Variants in PALLD observed in about 807,000 individuals in gnomAD.
The protein encoded by PALLD is palladin.
Under a neutral mutation model 123.5 loss-of-function variants are expected in PALLD, and 61 were observed. That is an observed-to-expected ratio of 0.49 (90% CI 0.40 to 0.61). The LOEUF is 0.61. Ranked by LOEUF, PALLD falls within the 20% of genes least tolerant of loss-of-function variation. The pLI is 0.00. For synonymous variants in PALLD, 465 were observed against 496.4 expected (o/e 0.94, Z 0.84); for missense variants, 1,273 against 1,377.0 (o/e 0.92, Z 1.20).
intron 2 of PALLD, among the ~76,000 whole-genome samples, chr4:168,615,451 G>A (rs549574539): frequency 1.4e-4 from 21 of 152,228 alleles, no homozygotes; most frequent in African/African-American, 4.8e-4. Flanking sequence ...TTGGGCTCTG[G>A]GTGTCAGTAT....
At position 168,784,222 on chromosome 4, in the gene PALLD, G is replaced by A. The variant is rs74818477; in HGVS notation, c.1964+72299G>A. ...AAAAAATGTAAAAGTGGTCCCAGCCGCTTGGGAGAATGAGGCAGGAGGATT... is the reference window on the plus strand; with the variant it reads ...AAAAAATGTAAAAGTGGTCCCAGCCACTTGGGAGAATGAGGCAGGAGGATT... On this transcript the variant is annotated intron_variant, in intron 10 of 21. Transcript: ENST00000505667. Among the ~76,000 whole-genome samples, 1,290 of 152,066 alleles carry A rather than the reference G, an allele frequency of 8.5e-3. 60 individuals carry two copies. In the East Asian group the frequency reaches 0.16, roughly 19 times the overall value.
At chr4:168,606,649 G>C (rs574895487) in intron 2 of PALLD, among the ~76,000 whole-genome samples, 1 of 140,524 alleles carries the variant, frequency 7.1e-6, no homozygotes, top group Non-Finnish European at 1.5e-5. Context: ...GGGGGACAGA[G>C]CGAGACTCCG....
intron 10 of PALLD, among the ~76,000 whole-genome samples, chr4:168,843,423 ATAGT>A (rs1202200407): frequency 6.6e-6 from 1 of 152,194 alleles, no homozygotes; most frequent in Non-Finnish European, 1.5e-5. Context: ...ATGATTTCAG[ATAGT>A]TCTTGGACAT....
intron 6 of PALLD, among the ~76,000 whole-genome samples, chr4:168,686,360 T>C (rs1461024125): frequency 6.6e-6 from 1 of 152,170 alleles, no homozygotes; most frequent in East Asian, 1.9e-4. Flanking sequence ...TTTGTCCTAA[T>C]GCTATCCCTC....
chr4:168,521,484 T>C (rs1156497351), intron 2 of PALLD, among the ~76,000 whole-genome samples: 1 of 152,232 alleles, frequency 6.6e-6, no homozygotes, highest in African/African-American at 2.4e-5. Context: ...TGTTAGCACA[T>C]TGTAGTGTCT....
At chr4:168,654,721 C>T (rs73864604) in intron 2 of PALLD, 3,279 of 152,300 alleles carry the variant, frequency 0.022, 82 homozygotes, top group South Asian at 0.077. Context: ...GGCCCCTCCC[C>T]GCTCTGCTGC....
At chr4:168,553,290 A>G (rs1766932275) in intron 2 of PALLD, among the ~76,000 whole-genome samples, 1 of 152,212 alleles carries the variant, frequency 6.6e-6, no homozygotes, top group Admixed American at 6.5e-5. Context: ...GGGGAAAAAA[A>G]GCCTTATAAT....
At chr4:168,800,521 TTAAG>T (rs1295325555) in intron 10 of PALLD, among the ~76,000 whole-genome samples, 3 of 152,106 alleles carry the variant, frequency 2.0e-5, no homozygotes, top group African/African-American at 7.2e-5. Flanking sequence ...TTCAATCTCA[TTAAG>T]TAATAAGAAA....
intron 6 of PALLD, among the ~76,000 whole-genome samples, chr4:168,689,825 A>G (rs1349619299): frequency 1.6e-4 from 25 of 152,310 alleles, no homozygotes; most frequent in Non-Finnish European, 5.9e-5. Context: ...ATTCTGGAGA[A>G]GGAGGGTAGA....
intron 10 of PALLD, among the ~76,000 whole-genome samples, chr4:168,821,322 T>C (rs1742679887): frequency 6.6e-6 from 1 of 152,210 alleles, no homozygotes; most frequent in Admixed American, 6.5e-5. Flanking sequence ...TCCTAAGTCC[T>C]CTGCAAAACA....
chr4:168,716,260 C>G (rs757678241), intron 10 of PALLD, among the ~76,000 whole-genome samples: 1 of 152,076 alleles, frequency 6.6e-6, no homozygotes, highest in African/African-American at 2.4e-5. Context: ...AAGGGTGATG[C>G]GATGGGCAAG....
chr4:168,904,918 G>A (rs999787926), intron 15 of PALLD, among the ~76,000 whole-genome samples: 6 of 151,882 alleles, frequency 4.0e-5, no homozygotes, highest in Non-Finnish European at 5.9e-5. Context: ...CCTCAGCCCC[G>A]GAGTTTGAGA....
At chr4:168,527,703 C>A (rs1219974999) in intron 2 of PALLD, among the ~76,000 whole-genome samples, 1 of 152,044 alleles carries the variant, frequency 6.6e-6, no homozygotes, top group African/African-American at 2.4e-5. Flanking sequence ...TTTCATAGAC[C>A]CTGACAGATC....
At chr4:168,711,948 A>G (rs750715426) in intron 10 of PALLD, 25 bp downstream of exon 10, 2 of 1,579,696 alleles carry the variant, frequency 1.3e-6, no homozygotes, top group Middle Eastern at 1.7e-4. Context: ...ATGGTTTTAT[A>G]ATAATTTCCA....
intron 10 of PALLD, among the ~76,000 whole-genome samples, chr4:168,834,256 T>C (rs184581069): frequency 6.6e-6 from 1 of 152,086 alleles, no homozygotes; most frequent in East Asian, 1.9e-4. Flanking sequence ...CATAAAATTC[T>C]GATAGCTGGG....
intron 15 of PALLD, among the ~76,000 whole-genome samples, chr4:168,910,220 C>CTTTTTTTT (rs70961563): frequency 2.6e-5 from 3 of 114,010 alleles, no homozygotes; most frequent in Non-Finnish European, 3.6e-5. Flanking sequence ...AACCTGTTTA[C>CTTTTTTTT]TTTTTTTTTT....
chr4:168,639,586 C>G (rs1283444570), intron 2 of PALLD, among the ~76,000 whole-genome samples: 32 of 151,502 alleles, frequency 2.1e-4, no homozygotes, highest in Non-Finnish European at 2.9e-5. Flanking sequence ...CTCTGTCACC[C>G]AGGCTGGAGT....
intron 10 of PALLD, among the ~76,000 whole-genome samples, chr4:168,772,309 C>T (rs1039387): frequency 0.38 from 57,882 of 152,070 alleles, 12,019 homozygotes; most frequent in East Asian, 0.55. Flanking sequence ...TCCATACAAA[C>T]GGCACTTGTT....
intron 10 of PALLD, among the ~76,000 whole-genome samples, chr4:168,850,551 T>TTTTGGGTG (rs1747611406): frequency 7.3e-6 from 1 of 136,364 alleles, no homozygotes; most frequent in Non-Finnish European, 1.6e-5. Context: ...TTTTTTTTTT[T>TTTTGGGTG]GAGATGGAGT....
Sources: allele counts gnomAD v4.1 joint callset (sites outside exome capture counted in the v4.1 genomes callset), GRCh38; gene constraint gnomAD v4.1.1; transcripts MANE v1.5; gene names NCBI Gene and HGNC (gene_info 2026-07-23, HGNC 2026-07-21).